PIGO: variants seen among roughly 807,000 people sequenced by gnomAD.
PIGO encodes the protein GPI ethanolamine phosphate transferase 3, catalytic subunit.
In PIGO, 66 loss-of-function variants were observed where a neutral mutation model predicts 86.9. That is an observed-to-expected ratio of 0.76 (90% CI 0.62 to 0.93). PIGO has a LOEUF of 0.93. PIGO is among the 40% of genes least tolerant of loss of function. PIGO has a pLI of 0.00. For synonymous variants in PIGO, 570 were observed against 556.4 expected (o/e 1.02, Z -0.34); for missense variants, 1,202 against 1,359.1 (o/e 0.88, Z 1.82).
intron 4 of PIGO, 132 bp from the exon 5 acceptor site, chr9:35,093,712 A>T (rs1829542254): frequency 7.1e-7 from 1 of 1,414,314 alleles, no homozygotes; most frequent in Non-Finnish European, 9.4e-7. Context: ...TTTGGCAAAG[A>T]GACATGTCTT....
intron 1 of PIGO, 100 bp from the exon 2 acceptor site, chr9:35,095,666 A>G: frequency 7.4e-7 from 1 of 1,358,724 alleles, no homozygotes; most frequent in Non-Finnish European, 9.7e-7. Context: ...TTCCTCCCGG[A>G]AACCTTCCTG....
Position 35,091,254 on chromosome 9 carries a change from G to T in PIGO, c.2633C>A (p.Pro878His). ...GAGATATTTACCAGGGGTGGTGACG[G>T]GTATCCCAGCAGCAAGCAGATGTAG... ...LLLHLLAAGI[P>H]VTTPGPFTVP... Residue 878 changes from proline (P) to histidine (H), a missense_variant, in exon 7 of 11, where the codon CCC becomes CAC. By Grantham distance (77) the Pro-to-His change is moderately conservative. Coordinates refer to ENST00000378617, the MANE Select transcript of PIGO (RefSeq NM_032634.4). The T allele has an allele frequency of 6.3e-7, 1 of 1,597,140 alleles. No individual in the cohort carries two copies. Among genetic ancestry groups the T allele is most frequent in the Non-Finnish European group, 8.5e-7 (1 of 1,170,438 alleles).
At position 35,091,713 on chromosome 9, in the gene PIGO, G is replaced by A; in HGVS notation, c.2174C>T (p.Ala725Val). Residue 725 changes from alanine (A) to valine (V), a missense_variant, in exon 7 of 11, where the codon GCA becomes GTA. Ala to Val is a moderately conservative substitution (Grantham distance 64). Transcript: ENST00000378617. ...TAAYWALASG[A>V]DEAPPRLRVL... ...CCGGAGACGGGGGGGAGCCTCATCT[G>A]CCCCCGACGCCAATGCCCAGTAGGC... 6 of 1,612,012 alleles carry A rather than the reference G, an allele frequency of 3.7e-6. No individual in the cohort carries two copies. The highest frequency in any genetic ancestry group is 5.1e-6 in the Non-Finnish European group (6 of 1,180,014).
chr9:35,093,355 A>G, intron 5 of PIGO, 66 bp downstream of exon 5: 1 of 1,605,292 alleles, frequency 6.2e-7, no homozygotes, highest in South Asian at 1.1e-5. Context: ...GGTATTCATG[A>G]GGATGCTGTA....
Position 35,089,020 on chromosome 9 carries a change from G to C in PIGO, c.*72C>G. 6.3e-7 allele frequency: 1 copy of C among 1,597,740 alleles called. No homozygotes were observed. The highest frequency in any genetic ancestry group is 8.5e-7 in the Non-Finnish European group (1 of 1,170,686). ...CTGAGCCTGTCTTGCAGATCATCCAGTACCTGTACAGGCCAGGCTACACTG... is the reference window on the plus strand; with the variant it reads ...CTGAGCCTGTCTTGCAGATCATCCACTACCTGTACAGGCCAGGCTACACTG... On this transcript the variant is annotated 3_prime_UTR_variant, in exon 11 of 11. Transcript: ENST00000378617.
Position 35,091,313 on chromosome 9 carries a change from C to T in PIGO, c.2574G>A (p.Val858=). The T allele has an allele frequency of 6.2e-7, 1 of 1,614,028 alleles. No homozygotes were observed. Among genetic ancestry groups the T allele is most frequent in the South Asian group, 1.1e-5 (1 of 91,070 alleles). The change falls in exon 7 of 11, where the codon GTG becomes GTA. Residue 858 remains valine, a synonymous_variant. Transcript: ENST00000378617. ...AGCTCTGCAGAAACAGAAGCAGGAACACAAGGCTGATGCGCTCCGCATGCA... is the reference window on the plus strand; with the variant it reads ...AGCTCTGCAGAAACAGAAGCAGGAATACAAGGCTGATGCGCTCCGCATGCA... ...LLLHAERISL[V]FLLLFLQSFL...
rs148970282 is a variant in PIGO, at chr9:35,092,566, C to A, written c.1321G>T (p.Glu441Ter). 2 of 1,614,212 alleles carry A rather than the reference C, an allele frequency of 1.2e-6. No homozygotes were observed. The highest frequency in any genetic ancestry group is 1.7e-6 in the Non-Finnish European group (2 of 1,180,036). Reference protein sequence around the residue: ...FLRGARAMCIESWARFSLVRM... With the variant: ...FLRGARAMCI ...ACCAGAGAGAAACGAGCCCAAGACT[C>A]GATGCACATGGCCCGAGCTCCCCGC... Residue 441 changes from glutamate (E) to a stop codon, truncating the protein, a stop_gained, in exon 7 of 11, where the codon GAG becomes TAG. Transcript: ENST00000378617. LOFTEE classifies it high-confidence loss of function.
At chr9:35,089,577 T>C in intron 9 of PIGO, 127 bp from the exon 10 acceptor site, 1 of 1,512,074 alleles carries the variant, frequency 6.6e-7, no homozygotes, top group Non-Finnish European at 8.8e-7. Flanking sequence ...GGAAAAAATA[T>C]TGCATGTCCT....
chr9:35,093,174 G>C lies in PIGO; in HGVS notation c.975C>G (p.Pro325=). Residue 325 remains proline (P), a synonymous_variant, in exon 6 of 11, where the codon CCC becomes CCG. Coordinates refer to ENST00000378617, the MANE Select transcript of PIGO (RefSeq NM_032634.4). ...GCAGGCCCAGCAGCAGGGCCAGCGT[G>C]GGCACAAGGCTAACTTGAGGAATCA... ...PEVIPQVSLV[P]TLALLLGLPI... 2 of 1,614,016 alleles carry C rather than the reference G, an allele frequency of 1.2e-6. No homozygotes were observed. The highest frequency in any genetic ancestry group is 1.7e-6 in the Non-Finnish European group (2 of 1,179,886).
chr9:35,095,193 C>T lies in PIGO; in HGVS notation c.373G>A (p.Val125Ile). The T allele has an allele frequency of 1.9e-6, 3 of 1,614,180 alleles. No homozygotes were observed. Among genetic ancestry groups the T allele is most frequent in the Non-Finnish European group, 2.5e-6 (3 of 1,180,034 alleles). ...PHHARLYRSQ[V>I]DPPTTTMQRL... ...TGCATGGTGGTGGTAGGAGGGTCAA[C>T]CTGAGATCGGTAGAGCCGGGCATGG... Residue 125 changes from valine (V) to isoleucine (I), a missense_variant, in exon 2 of 11, where the codon GTT (valine) becomes ATT (isoleucine). Transcript: ENST00000378617.
Position 35,090,660 on chromosome 9 carries a change from A to G in PIGO, c.2660T>C (p.Val887Ala). ...CCAAGCCGAGACTGCCTGCCATGGC[A>G]CAGTAAAAGGACCTGGAAGAAAAGA... Reference protein sequence around the residue: ...IPVTTPGPFTVPWQAVSAWAL... With the variant: ...IPVTTPGPFTAPWQAVSAWAL... Residue 887 changes from valine (V) to alanine (A), a missense_variant, in exon 8 of 11, where the codon GTG (valine) becomes GCG (alanine). Coordinates refer to ENST00000378617, the MANE Select transcript of PIGO (RefSeq NM_032634.4). 6.2e-7 allele frequency: 1 copy of G among 1,614,032 alleles called. No individual in the cohort carries two copies. Among genetic ancestry groups the G allele is most frequent in the Non-Finnish European group, 8.5e-7 (1 of 1,179,952 alleles).
In PIGO at chr9:35,091,886, A is replaced by G; in HGVS notation, c.2001T>C (p.Asn667=). 7 of 1,614,158 alleles carry G rather than the reference A, an allele frequency of 4.3e-6. No homozygotes were observed. The highest frequency in any genetic ancestry group is 5.1e-6 in the Non-Finnish European group (6 of 1,180,032). ...CCGCCACACAAGCTCCATACCACAA[A>G]TTCTTGGCTCGACCACCCACCATGG... ...LASMVGGRAK[N]LWYGACVAAL... The change falls in exon 7 of 11, where the codon AAT becomes AAC. Residue 667 remains asparagine, a synonymous_variant. Coordinates refer to ENST00000378617, the MANE Select transcript of PIGO (RefSeq NM_032634.4).
chr9:35,094,904 T>C (rs1829594225), intron 2 of PIGO, 151 bp downstream of exon 2: 2 of 1,123,762 alleles, frequency 1.8e-6, no homozygotes, highest in Non-Finnish European at 2.5e-6. Context: ...CTGAGCTCCC[T>C]ACCAGCAGGG....
At position 35,095,363 on chromosome 9, in the gene PIGO, G is replaced by A. The variant is rs1371000151; in HGVS notation, c.203C>T (p.Ser68Leu). 5 of 1,614,014 alleles carry A rather than the reference G, an allele frequency of 3.1e-6. No individual in the cohort carries two copies. The highest frequency in any genetic ancestry group is 2.7e-5 in the African/African-American group (2 of 74,920). The stretch of plus-strand genomic sequence containing the variant: ...ATCTATCAGCACCAACACAACCCGC[G>A]AAAATCGGGAAGCCATCCAGCAGGC... ...PGACWMASRF[S>L]RVVLVLIDAL... Residue 68 changes from serine to leucine, a missense_variant, in exon 2 of 11, where the codon TCG (serine) becomes TTG (leucine). By Grantham distance (145) the Ser-to-Leu change is moderately radical. Transcript: ENST00000378617.
At position 35,091,402 on chromosome 9, in the gene PIGO, C is replaced by T. The variant is rs149950408; in HGVS notation, c.2485G>A (p.Gly829Arg). 3 of 1,614,068 alleles carry T rather than the reference C, an allele frequency of 1.9e-6. No individual in the cohort carries two copies. The highest frequency in any genetic ancestry group is 2.7e-5 in the African/African-American group (2 of 74,928). Residue 829 changes from glycine (G) to arginine (R), a missense_variant, in exon 7 of 11, where the codon GGG becomes AGG. Coordinates refer to ENST00000378617, the MANE Select transcript of PIGO (RefSeq NM_032634.4). ...GPLTVAAYQL[G>R]SVYSAAMVTA... ...ACCATAGCAGCTGAGTAGACACTCC[C>T]CAACTGATAAGCAGCCACAGTCAGG... is the stretch of plus-strand genomic sequence containing the variant.
intron 5 of PIGO, 70 bp from the exon 6 acceptor site, chr9:35,093,279 A>G: frequency 6.3e-7 from 1 of 1,575,572 alleles, no homozygotes; most frequent in Non-Finnish European, 8.7e-7. Context: ...TGGCAGACAT[A>G]GGGGCCTAGG....
At chr9:35,089,550 G>A (rs2131069619) in intron 9 of PIGO, 100 bp from the exon 10 acceptor site, 1 of 1,573,580 alleles carries the variant, frequency 6.4e-7, no homozygotes, top group East Asian at 2.3e-5. Context: ...GGAAGCAGGA[G>A]AATAGTGCAT....
rs1014636057 is a variant in PIGO at position 35,095,307 on chromosome 9, G to T, written c.259C>A (p.His87Asn). ...GGAGGCTCTCTAGGCACGTGTGAAT[G>T]CTGGGGCTGGGCGAAGTCAAATCGC... The part of the protein sequence containing the change: ...ALRFDFAQPQ[H>N]SHVPREPPVS... Residue 87 changes from histidine (H) to asparagine (N), a missense_variant, in exon 2 of 11, where the codon CAT (histidine) becomes AAT (asparagine). Physicochemically the swap from His to Asn is moderately conservative, Grantham distance 68. Transcript: ENST00000378617. The T allele has an allele frequency of 1.2e-6, 2 of 1,614,086 alleles. No individual in the cohort carries two copies. Among genetic ancestry groups the T allele is most frequent in the African/African-American group, 1.3e-5 (1 of 74,924 alleles).
chr9:35,093,194 G>A lies in PIGO; in HGVS notation c.955C>T (p.Pro319Ser). 6.2e-7 allele frequency: 1 copy of A among 1,612,674 alleles called. No individual in the cohort carries two copies. The highest frequency in any genetic ancestry group is 1.1e-5 in the South Asian group (1 of 91,028). Residue 319 changes from proline to serine, a missense_variant, in exon 6 of 11, where the codon CCT becomes TCT. Physicochemically the swap from Pro to Ser is moderately conservative, Grantham distance 74 (BLOSUM62 -1). Transcript: ENST00000378617. ...AGCGTGGGCACAAGGCTAACTTGAGGAATCACCTCTGGCTCCTAAAGGAAA... is the reference window on the plus strand; with the variant it reads ...AGCGTGGGCACAAGGCTAACTTGAGAAATCACCTCTGGCTCCTAAAGGAAA... Reference protein sequence around the residue: ...STPPEEPEVIPQVSLVPTLAL... With the variant: ...STPPEEPEVISQVSLVPTLAL...
Sources: gnomAD v4.1 joint callset for allele counts on GRCh38, gnomAD v4.1.1 for gene constraint, MANE v1.5 for transcripts, NCBI Gene and HGNC (gene_info 2026-07-23, HGNC 2026-07-21) for gene names.